The following ARHGAP6 variants were observed in gnomAD, a reference collection of about 807,000 sequenced individuals.
ARHGAP6 encodes rho GTPase-activating protein 6.
In ARHGAP6, 16 loss-of-function variants were observed where a neutral mutation model predicts 55.7. That is an observed-to-expected ratio of 0.29 (90% CI 0.19 to 0.44). ARHGAP6 has a LOEUF of 0.44. Among genes scored for constraint, ARHGAP6 ranks in the 20% least tolerant of loss-of-function variants. The pLI, the probability that ARHGAP6 is intolerant of heterozygous loss-of-function variation, is 1.00. For missense variants in ARHGAP6, 698 were observed against 808.9 expected, an observed-to-expected ratio of 0.86 and a Z score of 1.66; for synonymous variants, 382 against 360.9, an observed-to-expected ratio of 1.06 and a Z score of -0.66.
chrX:11,331,857 T>A (rs1281266722), intron 1 of ARHGAP6, among the ~76,000 whole-genome samples: 2 of 112,209 alleles, frequency 1.8e-5, no homozygotes. Context: ...AGATAACTGA[T>A]AACTGTTTGT....
chrX:11,479,596 C>T (rs1190895363), intron 1 of ARHGAP6, among the ~76,000 whole-genome samples: 1 of 111,723 alleles, frequency 9.0e-6, no homozygotes, highest in Non-Finnish European at 1.9e-5. Context: ...CAGAAGGGCT[C>T]TGCACTTGGT....
At chrX:11,153,491 C>T (rs1161850384) in intron 10 of ARHGAP6, among the ~76,000 whole-genome samples, 2 of 93,283 alleles carry the variant, frequency 2.1e-5, no homozygotes, top group Non-Finnish European at 2.1e-5. Context: ...TGCCACTGTA[C>T]TCCAGCCTGG....
intron 6 of ARHGAP6, among the ~76,000 whole-genome samples, chrX:11,180,990 T>C (rs2147334163): frequency 8.9e-6 from 1 of 112,485 alleles, no homozygotes; most frequent in South Asian, 3.7e-4. Flanking sequence ...TGTTTCTTAA[T>C]CTCTATAAGC....
intron 1 of ARHGAP6, chrX:11,265,797 C>G (rs939454805): frequency 4.3e-5 from 40 of 925,590 alleles, no homozygotes; most frequent in Middle Eastern, 3.0e-4. Flanking sequence ...GTAAAAAATG[C>G]ATCCTGAAAT....
intron 1 of ARHGAP6, among the ~76,000 whole-genome samples, chrX:11,358,338 A>C (rs1007311504): frequency 1.8e-5 from 2 of 112,030 alleles, no homozygotes; most frequent in Non-Finnish European, 1.9e-5. Flanking sequence ...ATTCATGTAC[A>C]TGTTTCCATG....
In ARHGAP6 at chrX:11,558,836, C is replaced by CAAAAAAAAAA. The variant is rs58936931; in HGVS notation, c.588+105395_588+105404dup. 8.6e-4 allele frequency among the ~76,000 whole-genome samples: 26 copies of CAAAAAAAAAA among 30,070 alleles called. 1 individual carries two copies. The highest frequency in any genetic ancestry group is 3.6e-3 in the Admixed American group (5 of 1,384). 26.1% of individuals were successfully genotyped at this position (30,070 alleles called of 115,157 possible). ...GGGCGACAAGAGCAAGATTCCATCT[C>CAAAAAAAAAA]AAAAAAAAAAAAAAAAAAAAAAAAA... On this transcript the variant is annotated intron_variant, in intron 1 of 12. Transcript: ENST00000337414.
rs1174449401 is a variant in ARHGAP6 at position 11,354,327 on chromosome X, C to CTATA, written c.589-99624_589-99621dup. 7.1e-3 allele frequency among the ~76,000 whole-genome samples: 229 copies of CTATA among 32,349 alleles called. 1 individual carries two copies. The highest frequency in any genetic ancestry group is 0.028 in the Middle Eastern group (1 of 36). The allele number at this position is 32,349 out of a possible 115,157, so 28.1% of individuals were successfully genotyped here. On this transcript the variant is annotated intron_variant, in intron 1 of 12. Transcript: ENST00000337414. Reference sequence around the variant, plus strand: ...TCTCTCTCTCTCTCTCTCTCTCTCTCTATATATATATATATATATATATAT... The same window carrying CTATA: ...TCTCTCTCTCTCTCTCTCTCTCTCTCTATATATATATATATATATATATATATAT...
At position 11,156,535 on chromosome X, in the gene ARHGAP6, T is replaced by C; in HGVS notation, c.1901A>G (p.Gln634Arg). The C allele has an allele frequency of 8.3e-7, 1 of 1,203,634 alleles. No homozygotes were observed. Among genetic ancestry groups the C allele is most frequent in the Non-Finnish European group, 1.1e-6 (1 of 888,535 alleles). Residue 634 changes from glutamine to arginine, a missense_variant, in exon 10 of 13, where the codon CAA becomes CGA. By Grantham distance (43) the Gln-to-Arg change is conservative (BLOSUM62 1). Coordinates refer to ENST00000337414, the MANE Select transcript of ARHGAP6 (RefSeq NM_013427.3). ...VDYLLRRKASQSSSPDMLQSE... is the reference protein window; with the variant it reads ...VDYLLRRKASRSSSPDMLQSE... ...GGAACACTGGAATACTCACGATGAT[T>C]GGGAAGCCTTTCTTCTGAGTAAATA...
chrX:11,276,536 G>A (rs1314358582), intron 1 of ARHGAP6, among the ~76,000 whole-genome samples: 1 of 111,759 alleles, frequency 8.9e-6, no homozygotes. Flanking sequence ...AGAAAATCTT[G>A]CTTCCTGACT....
intron 1 of ARHGAP6, among the ~76,000 whole-genome samples, chrX:11,552,554 CCATA>C (rs2051277064): frequency 9.1e-5 from 1 of 11,020 alleles, no homozygotes; most frequent in Non-Finnish European, 1.6e-4. Flanking sequence ...AGAAAATGTG[CCATA>C]TATATATATA....
chrX:11,259,361 G>A (rs1227280611), intron 1 of ARHGAP6, among the ~76,000 whole-genome samples: 1 of 111,906 alleles, frequency 8.9e-6, no homozygotes, highest in Non-Finnish European at 1.9e-5. Context: ...TTGTGTATAT[G>A]TACCACATTT....
intron 1 of ARHGAP6, among the ~76,000 whole-genome samples, chrX:11,663,262 A>G (rs1206030687): frequency 2.7e-5 from 3 of 112,026 alleles, no homozygotes; most frequent in Non-Finnish European, 1.9e-5. Context: ...TTTAGCCTAA[A>G]TCTCCAGCAA....
intron 1 of ARHGAP6, chrX:11,427,461 G>C: frequency 3.3e-6 from 3 of 900,056 alleles, no homozygotes; most frequent in Non-Finnish European, 2.8e-6. Flanking sequence ...CCTGTGGGGA[G>C]CCCCGACTAC....
chrX:11,508,908 A>T (rs1408134697), intron 1 of ARHGAP6, among the ~76,000 whole-genome samples: 2 of 110,366 alleles, frequency 1.8e-5, no homozygotes, highest in Non-Finnish European at 3.8e-5. Flanking sequence ...TGCGATCTAT[A>T]TGGTAAGTTA....
chrX:11,283,913 C>T (rs975793367), intron 1 of ARHGAP6, among the ~76,000 whole-genome samples: 3 of 111,926 alleles, frequency 2.7e-5, no homozygotes, highest in African/African-American at 6.5e-5. Flanking sequence ...TTGTTTTAAG[C>T]GACTAAGTTT....
intron 1 of ARHGAP6, among the ~76,000 whole-genome samples, chrX:11,635,662 C>G (rs1274893571): frequency 2.7e-5 from 3 of 111,259 alleles, no homozygotes; most frequent in African/African-American, 9.8e-5. Context: ...ATTCTTATCC[C>G]TTTCTACTGT....
chrX:11,285,669 T>A (rs2147542074), intron 1 of ARHGAP6, among the ~76,000 whole-genome samples: 1 of 112,080 alleles, frequency 8.9e-6, no homozygotes, highest in Admixed American at 9.4e-5. Context: ...AATCACTTTG[T>A]GATTCCCACT....
At chrX:11,298,952 C>T in intron 1 of ARHGAP6, 2 of 1,210,619 alleles carry the variant, frequency 1.7e-6, no homozygotes, top group Non-Finnish European at 2.2e-6. Flanking sequence ...CATCAACAGA[C>T]AAGACCAAGC....
At chrX:11,446,798 A>G (rs2050096895) in intron 1 of ARHGAP6, among the ~76,000 whole-genome samples, 2 of 112,221 alleles carry the variant, frequency 1.8e-5, no homozygotes, top group Non-Finnish European at 3.8e-5. Context: ...TTTGAGGAAT[A>G]TCTATTTTAT....
Sources: gnomAD v4.1 joint callset for allele counts (sites outside exome capture counted in the v4.1 genomes callset) on GRCh38, gnomAD v4.1.1 for gene constraint, MANE v1.5 for transcripts, NCBI Gene and HGNC (gene_info 2026-07-23, HGNC 2026-07-21) for gene names.